MIGA1: variants seen among roughly 807,000 people sequenced by gnomAD.
MIGA1 encodes family with sequence similarity 73, member A.
MIGA1 carries 58 observed loss-of-function variants against 82.0 expected under a neutral mutation model. That is an observed-to-expected ratio of 0.71 (90% CI 0.57 to 0.88). The LOEUF (loss-of-function observed/expected upper bound fraction) is 0.88, where lower values mean the gene tolerates loss of function less well. MIGA1 is among the 40% of genes least tolerant of loss of function. The probability of loss-of-function intolerance (pLI) is 0.00; values close to 1 mark genes in which losing one functional copy is unlikely to be tolerated. For missense variants in MIGA1, 751 were observed against 749.1 expected (o/e 1.00, Z -0.03); for synonymous variants, 249 against 253.6 (o/e 0.98, Z 0.17).
chr1:77,780,195 A>G, intron 1 of MIGA1: 1 of 987,914 alleles, frequency 1.0e-6, no homozygotes, highest in Non-Finnish European at 1.2e-6. Context: ...CGCTGGAGGT[A>G]GGGCAGCTGG....
At chr1:77,796,763 C>T (rs1297557187) in intron 2 of MIGA1, among the ~76,000 whole-genome samples, 1 of 152,162 alleles carries the variant, frequency 6.6e-6, no homozygotes, top group Non-Finnish European at 1.5e-5. Context: ...TTTTCACAGC[C>T]TGTGATTTAT....
chr1:77,827,733 T>C (rs192711706), intron 7 of MIGA1, among the ~76,000 whole-genome samples: 54 of 152,274 alleles, frequency 3.5e-4, no homozygotes, highest in African/African-American at 1.2e-3. Flanking sequence ...TTTTATCTTA[T>C]TTTCCTCTAC....
At chr1:77,837,194 C>T (rs930396799) in intron 7 of MIGA1, among the ~76,000 whole-genome samples, 4 of 152,030 alleles carry the variant, frequency 2.6e-5, no homozygotes, top group Admixed American at 6.5e-5. Context: ...ATTAAAGGCT[C>T]GAAAGAAACA....
intron 8 of MIGA1, among the ~76,000 whole-genome samples, chr1:77,844,407 C>T (rs1045824214): frequency 2.6e-4 from 40 of 151,450 alleles, no homozygotes; most frequent in African/African-American, 7.0e-4. Flanking sequence ...AACAAACGTG[C>T]GTGATATATA....
intron 8 of MIGA1, among the ~76,000 whole-genome samples, chr1:77,845,431 T>C (rs1684800553): frequency 1.3e-5 from 2 of 152,166 alleles, no homozygotes; most frequent in South Asian, 2.1e-4. Flanking sequence ...TTTTCTAATA[T>C]GCAACTTTAA....
chr1:77,783,790 C>T (rs1264674171), intron 2 of MIGA1, among the ~76,000 whole-genome samples: 1 of 152,108 alleles, frequency 6.6e-6, no homozygotes, highest in Non-Finnish European at 1.5e-5. Flanking sequence ...TTTCATCTTG[C>T]AAAACTCAAA....
chr1:77,823,074 C>A (rs1683887883), intron 7 of MIGA1, among the ~76,000 whole-genome samples: 2 of 152,040 alleles, frequency 1.3e-5, no homozygotes, highest in Admixed American at 1.3e-4. Flanking sequence ...AACTCCTGAC[C>A]TCGTGATCCT....
intron 7 of MIGA1, among the ~76,000 whole-genome samples, chr1:77,828,156 A>G (rs1557915370): frequency 6.6e-6 from 1 of 152,234 alleles, no homozygotes; most frequent in African/African-American, 2.4e-5. Flanking sequence ...TTATTTATGT[A>G]CATATCCAGT....
At chr1:77,811,541 G>A (rs1683328077) in intron 5 of MIGA1, 3 of 1,603,888 alleles carry the variant, frequency 1.9e-6, no homozygotes, top group African/African-American at 2.7e-5. Flanking sequence ...TCTTGAGACT[G>A]TGTGGACTGT....
intron 8 of MIGA1, among the ~76,000 whole-genome samples, chr1:77,849,039 C>T (rs2101905073): frequency 6.6e-6 from 1 of 152,124 alleles, no homozygotes; most frequent in South Asian, 2.1e-4. Context: ...TGTTGTATTC[C>T]AGAATCATAT....
At chr1:77,790,155 A>G (rs1209985511) in intron 2 of MIGA1, among the ~76,000 whole-genome samples, 3 of 152,250 alleles carry the variant, frequency 2.0e-5, no homozygotes, top group Non-Finnish European at 2.9e-5. Flanking sequence ...CAATGTATGT[A>G]TATAATTCTA....
chr1:77,814,530 G>A (rs1683500608), intron 6 of MIGA1, among the ~76,000 whole-genome samples: 1 of 152,124 alleles, frequency 6.6e-6, no homozygotes, highest in Non-Finnish European at 1.5e-5. Flanking sequence ...CCAAGCAGCT[G>A]GGACTGCAGG....
intron 4 of MIGA1, 52 bp downstream of exon 4, chr1:77,803,458 G>C: frequency 1.2e-6 from 1 of 829,334 alleles, no homozygotes; most frequent in Non-Finnish European, 1.7e-6. Flanking sequence ...TATGTCTTCT[G>C]TGATCTATTA....
chr1:77,864,239 G>A (rs968251425), intron 13 of MIGA1, among the ~76,000 whole-genome samples: 9 of 151,334 alleles, frequency 5.9e-5, no homozygotes, highest in African/African-American at 1.9e-4. Flanking sequence ...GCATGGTAGC[G>A]GGCACCTGTA....
At chr1:77,789,589 A>G (rs1032030268) in intron 2 of MIGA1, among the ~76,000 whole-genome samples, 8 of 152,062 alleles carry the variant, frequency 5.3e-5, no homozygotes, top group Non-Finnish European at 5.9e-5. Flanking sequence ...CAATCAATGA[A>G]AGTTTTTTAA....
intron 7 of MIGA1, among the ~76,000 whole-genome samples, chr1:77,818,204 A>G (rs200138277): frequency 6.7e-6 from 1 of 150,260 alleles, no homozygotes; most frequent in Non-Finnish European, 1.5e-5. Flanking sequence ...GCTCACCGCA[A>G]CCTCCGCCTC....
chr1:77,813,272 G>A (rs147305068), intron 5 of MIGA1, among the ~76,000 whole-genome samples: 1 of 152,060 alleles, frequency 6.6e-6, no homozygotes, highest in Non-Finnish European at 1.5e-5. Context: ...ATGAGCCACC[G>A]CGCCGGGCCA....
chr1:77,819,662 C>T (rs755591552), intron 7 of MIGA1, among the ~76,000 whole-genome samples: 16 of 152,084 alleles, frequency 1.1e-4, no homozygotes, highest in Non-Finnish European at 2.1e-4. Context: ...TGACGCAGTA[C>T]AACCTCTGCC....
Position 77,813,818 on chromosome 1 carries a change from G to C in MIGA1, c.722G>C (p.Gly241Ala). 6.2e-7 allele frequency: 1 copy of C among 1,614,200 alleles called. No individual in the cohort carries two copies. The highest frequency in any genetic ancestry group is 8.5e-7 in the Non-Finnish European group (1 of 1,180,034). Residue 241 changes from glycine to alanine, a missense_variant, in exon 6 of 16, where the codon GGT (glycine) becomes GCT (alanine). Transcript: ENST00000370791. ...AGACAGGCTGAAGATGAAGCCTGTGGTTCCATTAAACTGGGTGCAGGAGAT... is the reference window on the plus strand; with the variant it reads ...AGACAGGCTGAAGATGAAGCCTGTGCTTCCATTAAACTGGGTGCAGGAGAT...
Sources: allele counts gnomAD v4.1 joint callset (sites outside exome capture counted in the v4.1 genomes callset), GRCh38; gene constraint gnomAD v4.1.1; transcripts MANE v1.5; gene names NCBI Gene and HGNC (gene_info 2026-07-23, HGNC 2026-07-21).